Variants in LANCL1 observed in about 807,000 individuals in gnomAD.
LANCL1 encodes the protein LanC like glutathione S-transferase 1, also known as glutathione S-transferase LANCL1.
Under a neutral mutation model 50.6 loss-of-function variants are expected in LANCL1, and 50 were observed. That is an observed-to-expected ratio of 0.99 (90% confidence interval 0.79 to 1.25). The LOEUF is 1.25. Among genes scored for constraint, LANCL1 ranks in the 50% most tolerant of loss-of-function variants. LANCL1 has a pLI of 0.00. For missense variants in LANCL1, 532 were observed against 480.7 expected (o/e 1.11, Z -1.00); for synonymous variants, 188 against 178.6 (o/e 1.05, Z -0.42).
intron 4 of LANCL1, among the ~76,000 whole-genome samples, chr2:210,444,030 T>C (rs1293664083): frequency 2.6e-5 from 4 of 152,164 alleles, no homozygotes; most frequent in Non-Finnish European, 2.9e-5. Context: ...TGTATGTATG[T>C]ATGTATGTGT....
chr2:210,476,605 G>C lies in LANCL1; in HGVS notation c.-17+15C>G. 2.9e-6 allele frequency: 4 copies of C among 1,363,616 alleles called. No individual in the cohort carries two copies. In the South Asian group the frequency reaches 7.3e-5, roughly 25 times the overall value. 84.5% of individuals were successfully genotyped at this position (1,363,616 alleles called of 1,614,324 possible). A position where few individuals can be genotyped will look rare whatever the true frequency, so the allele number is the denominator to read the frequency against. On this transcript the variant is annotated intron_variant, in intron 1 of 9. Coordinates refer to ENST00000450366, the MANE Select transcript of LANCL1 (RefSeq NM_006055.3). ...TGGCGCCTTCGCGAAAAAGCTGCCA[G>C]GGCCCTTAACCCACCCGGACAAAGA... is the stretch of plus-strand genomic sequence containing the variant.
chr2:210,466,985 T>C (rs1407238511), intron 3 of LANCL1, among the ~76,000 whole-genome samples: 1 of 152,052 alleles, frequency 6.6e-6, no homozygotes, highest in African/African-American at 2.4e-5. Flanking sequence ...TTTCAAGATA[T>C]GAATCTTGGA....
chr2:210,454,705 T>G (rs1216188617), intron 4 of LANCL1, among the ~76,000 whole-genome samples: 3 of 152,224 alleles, frequency 2.0e-5, no homozygotes, highest in Non-Finnish European at 4.4e-5. Context: ...AATCAGGATG[T>G]GCATGTCATT....
chr2:210,455,691 T>C (rs546729880), intron 3 of LANCL1, among the ~76,000 whole-genome samples: 23 of 152,244 alleles, frequency 1.5e-4, no homozygotes, highest in Non-Finnish European at 2.8e-4. Context: ...ATAAATGTAA[T>C]TGATTTACCA....
intron 3 of LANCL1, among the ~76,000 whole-genome samples, chr2:210,470,100 G>A (rs1402171752): frequency 6.6e-6 from 1 of 151,990 alleles, no homozygotes; most frequent in African/African-American, 2.4e-5. Context: ...ACTGTGCGCT[G>A]TGCTTGTCCT....
In LANCL1 at chr2:210,461,847, T is replaced by C. The variant is rs183427748; in HGVS notation, c.200-6533A>G. On this transcript the variant is annotated intron_variant, in intron 3 of 9. Coordinates refer to ENST00000450366, the MANE Select transcript of LANCL1 (RefSeq NM_006055.3). Reference sequence around the variant, plus strand: ...AAATAAGGGCTAGCATTTTCCCTTATTGTCTCTTAAAGACAGTAGTGAGAT... The same window carrying C: ...AAATAAGGGCTAGCATTTTCCCTTACTGTCTCTTAAAGACAGTAGTGAGAT... Among the ~76,000 whole-genome samples the C allele has an allele frequency of 2.1e-3, 318 of 152,280 alleles. 1 individual carries two copies. The Middle Eastern group carries it at 0.048, about 23-fold the overall frequency.
In LANCL1 at chr2:210,436,372, A is replaced by G; in HGVS notation, c.894T>C (p.Tyr298=). ...QAYKVFREEK[Y]LCDAYQCADV... is the part of the protein sequence containing the mutation. ...CAGCACACTGATAGGCATCACAGAG[A>G]TACTTTTCCTCTCTGAATACCTGCA... The change falls in exon 8 of 10, where the codon TAT becomes TAC. Residue 298 remains tyrosine (Y), a synonymous_variant. Transcript: ENST00000450366. 6.2e-7 allele frequency: 1 copy of G among 1,613,996 alleles called. No individual in the cohort carries two copies.
At chr2:210,457,692 G>A (rs557983773) in intron 3 of LANCL1, among the ~76,000 whole-genome samples, 4 of 152,246 alleles carry the variant, frequency 2.6e-5, no homozygotes, top group Admixed American at 1.3e-4. Context: ...GCCTTCCAGA[G>A]GCAACCATTT....
chr2:210,444,580 C>T (rs1294536748), intron 4 of LANCL1, among the ~76,000 whole-genome samples: 3 of 152,180 alleles, frequency 2.0e-5, no homozygotes, highest in Non-Finnish European at 2.9e-5. Context: ...ATTATTTCCT[C>T]ATCAAATTGA....
intron 3 of LANCL1, among the ~76,000 whole-genome samples, chr2:210,457,169 G>C (rs182791527): frequency 8.5e-4 from 129 of 152,246 alleles, no homozygotes; most frequent in African/African-American, 3.1e-3. Context: ...GAACATCCAT[G>C]GTGGAAAAGG....
At chr2:210,473,461 A>C (rs1481979388) in intron 2 of LANCL1, among the ~76,000 whole-genome samples, 1 of 152,232 alleles carries the variant, frequency 6.6e-6, no homozygotes, top group Non-Finnish European at 1.5e-5. Flanking sequence ...TGTGATTCTA[A>C]GACTTGAATT....
chr2:210,473,337 T>C (rs2105929836), intron 2 of LANCL1, among the ~76,000 whole-genome samples: 1 of 152,288 alleles, frequency 6.6e-6, no homozygotes, highest in Non-Finnish European at 1.5e-5. Flanking sequence ...ATCGTGCCAC[T>C]GCACTCCAGC....
chr2:210,445,014 C>T (rs571017626), intron 4 of LANCL1, among the ~76,000 whole-genome samples: 2 of 151,924 alleles, frequency 1.3e-5, no homozygotes, highest in African/African-American at 4.8e-5. Flanking sequence ...TTATTAGATA[C>T]AAATTCAACT....
At chr2:210,435,893 CTTTTTTTTT>C (rs71043994) in intron 8 of LANCL1, among the ~76,000 whole-genome samples, 7 of 64,230 alleles carry the variant, frequency 1.1e-4, no homozygotes, top group African/African-American at 4.7e-4. Flanking sequence ...GGGAGACCTG[CTTTTTTTTT>C]TTTTTTTTTT....
chr2:210,434,148 AT>A lies in LANCL1; in HGVS notation c.*338del. The A allele has an allele frequency of 5.7e-6, 1 of 176,856 alleles. No individual in the cohort carries two copies. The highest frequency in any genetic ancestry group is 1.2e-5 in the Non-Finnish European group (1 of 84,578). 11.0% of individuals were successfully genotyped at this position (176,856 alleles called of 1,614,324 possible). A position where few individuals can be genotyped will look rare whatever the true frequency, so the allele number is the denominator to read the frequency against. ...TATCTGTATTGAGTTTCTTTTAAAC[AT>A]TTTTAGAACAGTAACAGATGGTTAT... On this transcript the variant is annotated 3_prime_UTR_variant, in exon 10 of 10. Coordinates refer to ENST00000450366, the MANE Select transcript of LANCL1 (RefSeq NM_006055.3).
chr2:210,437,163 A>C (rs1692961004), intron 7 of LANCL1, among the ~76,000 whole-genome samples: 2 of 152,190 alleles, frequency 1.3e-5, no homozygotes, highest in South Asian at 4.1e-4. Flanking sequence ...TTATTTATGC[A>C]CTACAATGGA....
chr2:210,461,728 G>A (rs1316000736), intron 3 of LANCL1, among the ~76,000 whole-genome samples: 1 of 145,056 alleles, frequency 6.9e-6, no homozygotes, highest in African/African-American at 2.5e-5. Flanking sequence ...CAGAACAGAA[G>A]TCCCTAGAGT....
At position 210,433,895 on chromosome 2, in the gene LANCL1, C is replaced by T. The variant is rs905293111; in HGVS notation, c.*592G>A. 2 of 152,224 alleles carry T rather than the reference C, an allele frequency of 1.3e-5. No homozygotes were observed. Among genetic ancestry groups the T allele is most frequent in the Non-Finnish European group, 2.9e-5 (2 of 68,012 alleles). 9.4% of individuals were successfully genotyped at this position (152,224 alleles called of 1,614,324 possible). A position where few individuals can be genotyped will look rare whatever the true frequency, so the allele number is the denominator to read the frequency against. Reference sequence around the variant, plus strand: ...CAGGCCAATCTGAAAGTATGTTTACCTCTAGTCCAAATAGGCATCAAGAAT... The same window carrying T: ...CAGGCCAATCTGAAAGTATGTTTACTTCTAGTCCAAATAGGCATCAAGAAT... On this transcript the variant is annotated 3_prime_UTR_variant, in exon 10 of 10. Transcript: ENST00000450366.
At chr2:210,462,652 AG>A (rs1693898013) in intron 3 of LANCL1, among the ~76,000 whole-genome samples, 1 of 152,250 alleles carries the variant, frequency 6.6e-6, no homozygotes, top group East Asian at 1.9e-4. Flanking sequence ...TATTAATACA[AG>A]ATTAGGAAGG....
Sources: allele counts gnomAD v4.1 joint callset (sites outside exome capture counted in the v4.1 genomes callset), GRCh38; gene constraint gnomAD v4.1.1; transcripts MANE v1.5; gene names NCBI Gene and HGNC (gene_info 2026-07-23, HGNC 2026-07-21).